SLC6A9: variants seen among roughly 807,000 people sequenced by gnomAD.
SLC6A9 encodes solute carrier family 6 member 9.
SLC6A9 carries 31 observed loss-of-function variants against 70.9 expected under a neutral mutation model. That is an observed-to-expected ratio of 0.44 (90% CI 0.33 to 0.59). The LOEUF (loss-of-function observed/expected upper bound fraction) is 0.59. Among genes scored for constraint, SLC6A9 ranks in the 20% least tolerant of loss-of-function variants. The pLI, the probability that SLC6A9 is intolerant of heterozygous loss-of-function variation, is 0.04. For synonymous variants in SLC6A9, 310 were observed against 341.3 expected (o/e 0.91, Z 1.01); for missense variants, 631 against 845.2 (o/e 0.75, Z 3.14).
intron 4 of SLC6A9, among the ~76,000 whole-genome samples, chr1:44,009,512 C>T (rs972848691): frequency 7.9e-5 from 12 of 151,644 alleles, no homozygotes; most frequent in South Asian, 2.1e-4. Flanking sequence ...GGTAAGCCAC[C>T]GCGCCCGGCC....
chr1:43,998,674 C>G (rs2085974161), intron 12 of SLC6A9, among the ~76,000 whole-genome samples: 1 of 152,176 alleles, frequency 6.6e-6, no homozygotes, highest in Admixed American at 6.5e-5. Flanking sequence ...GGGTGCAGTG[C>G]CCAGTACAGT....
At chr1:44,011,597 G>A (rs757582885) in intron 2 of SLC6A9, 1 of 1,614,094 alleles carries the variant, frequency 6.2e-7, no homozygotes, top group South Asian at 1.1e-5. Context: ...CCATGAGTTG[G>A]GGAAGGAGAC....
chr1:43,997,614 G>T lies in SLC6A9; in HGVS notation c.1833C>A (p.His611Gln), dbSNP rs779879426. 2 of 1,613,904 alleles carry T rather than the reference G, an allele frequency of 1.2e-6. No homozygotes were observed. Among genetic ancestry groups the T allele is most frequent in the Admixed American group, 1.7e-5 (1 of 60,002 alleles). The change falls in exon 14 of 14, where the codon CAC becomes CAA. Residue 611 changes from histidine to glutamine, a missense_variant. Transcript: ENST00000372310. The surrounding 1 kb of genome is among the most constrained non-coding windows in gnomAD (Gnocchi z 4.4). The part of the protein sequence containing the change: ...PEDGFEVQPL[H>Q]PDKAQIPIVG... ...CAATGGGGATCTGCGCCTTGTCCGG[G>T]TGCAGTGGCTGGACCTCGAAGCCGT...
chr1:44,008,705 CTTTTCTTTT>C, intron 4 of SLC6A9, 82 bp from the exon 5 acceptor site: 1 of 1,131,576 alleles, frequency 8.8e-7, no homozygotes, highest in Non-Finnish European at 1.2e-6. Flanking sequence ...TTTTTCTTTT[CTTTTCTTTT>C]TTTTTTTTTG....
Position 44,002,592 on chromosome 1 carries a change from G to A in SLC6A9, c.778C>T (p.Arg260Cys), listed in dbSNP as rs774639733. The A allele has an allele frequency of 1.2e-5, 19 of 1,613,958 alleles. No individual in the cohort carries two copies. Among genetic ancestry groups the A allele is most frequent in the African/African-American group, 4.0e-5 (3 of 74,898 alleles). Residue 260 changes from arginine (R) to cysteine (C), a missense_variant, in exon 7 of 14, where the codon CGC (arginine) becomes TGC (cysteine). By Grantham distance (180) the Arg-to-Cys change is radical. Coordinates refer to ENST00000372310, the MANE Select transcript of SLC6A9 (RefSeq NM_001024845.3). This position sits in a 1 kb window ranked among gnomAD's most constrained non-coding sequence, Gnocchi z 5.5. Reference protein sequence around the residue: ...PYVVLTILFVRGVTLEGAFDG... With the variant: ...PYVVLTILFVCGVTLEGAFDG... ...AAGGCTCCCTCCAGGGTCACTCCGC[G>A]GACAAACAGAATGGTCAGCACCACG...
chr1:44,023,842 T>C (rs1302124265), intron 2 of SLC6A9, among the ~76,000 whole-genome samples: 1 of 152,098 alleles, frequency 6.6e-6, no homozygotes, highest in African/African-American at 2.4e-5. Context: ...AAACAAAATG[T>C]TCTTTGTTAC....
At chr1:44,008,876 C>T (rs1357703774) in intron 4 of SLC6A9, among the ~76,000 whole-genome samples, 13 of 151,046 alleles carry the variant, frequency 8.6e-5, no homozygotes, top group Non-Finnish European at 1.6e-4. Flanking sequence ...CCCACCACCA[C>T]GCCTGGCTAA....
intron 2 of SLC6A9, among the ~76,000 whole-genome samples, chr1:44,020,241 T>C (rs560710924): frequency 1.3e-5 from 2 of 152,260 alleles, no homozygotes; most frequent in Admixed American, 1.3e-4. Context: ...AGAACCTGCA[T>C]CAGCAGAGTG....
Position 44,013,158 on chromosome 1 carries a change from A to G in SLC6A9, c.31-2276T>C, listed in dbSNP as rs1418261508. ...CTGTAAAAGGGACAACTGATGGTCC[A>G]GGATGGACCCATGGGCAGGGTAAGG... is the stretch of plus-strand genomic sequence containing the variant. On this transcript the variant is annotated intron_variant, in intron 2 of 13. Transcript: ENST00000372310. This position sits in a 1 kb window ranked among gnomAD's most constrained non-coding sequence, Gnocchi z 5.3. Among the ~76,000 whole-genome samples, 7 of 152,258 alleles carry G rather than the reference A, an allele frequency of 4.6e-5. No individual in the cohort carries two copies. Among genetic ancestry groups the G allele is most frequent in the African/African-American group, 1.7e-4 (7 of 41,466 alleles).
chr1:44,020,080 G>A (rs1371808091), intron 2 of SLC6A9, among the ~76,000 whole-genome samples: 2 of 152,198 alleles, frequency 1.3e-5, no homozygotes, highest in African/African-American at 2.4e-5. Flanking sequence ...TAGGATCAGC[G>A]GAAGGTCATT....
At chr1:44,025,482 G>T (rs2086965445) in intron 1 of SLC6A9, among the ~76,000 whole-genome samples, 1 of 145,378 alleles carries the variant, frequency 6.9e-6, no homozygotes, top group East Asian at 2.0e-4. Context: ...ACAGAGCAAG[G>T]TTCCGTCTCA....
intron 3 of SLC6A9, 68 bp downstream of exon 3, chr1:44,010,658 G>A (rs763778989): frequency 8.1e-6 from 12 of 1,480,840 alleles, no homozygotes; most frequent in Non-Finnish European, 1.1e-5. Context: ...CCAGGGAGAG[G>A]GTGGCCCAGG....
intron 1 of SLC6A9, among the ~76,000 whole-genome samples, chr1:44,027,229 G>A (rs925108619): frequency 6.6e-6 from 1 of 152,160 alleles, no homozygotes; most frequent in African/African-American, 2.4e-5. Flanking sequence ...AAGAGCTCAG[G>A]CTCTGGGATC....
chr1:44,021,515 A>G (rs2086883812), intron 2 of SLC6A9, among the ~76,000 whole-genome samples: 1 of 152,232 alleles, frequency 6.6e-6, no homozygotes, highest in African/African-American at 2.4e-5. Flanking sequence ...TTGGAGGGCC[A>G]GTGTCCTCAC....
intron 8 of SLC6A9, among the ~76,000 whole-genome samples, chr1:44,001,895 TTTTC>T (rs1314798169): frequency 6.6e-6 from 1 of 152,158 alleles, no homozygotes; most frequent in Non-Finnish European, 1.5e-5. Context: ...ACCCAGCTAA[TTTTC>T]TTTTTTATGT....
chr1:44,011,879 T>A (rs562096560), intron 2 of SLC6A9, among the ~76,000 whole-genome samples: 2 of 152,198 alleles, frequency 1.3e-5, no homozygotes, highest in South Asian at 4.2e-4. Flanking sequence ...GCTCTGCAAG[T>A]CCCTTGGTTA....
At position 44,021,165 on chromosome 1, in the gene SLC6A9, G is replaced by A. The variant is rs1282706948; in HGVS notation, c.30+3083C>T. ...GCCCCTTGTCCTTTGAGACCTAGGT[G>A]GCCCTGCTCCGCACGTGTATGAGGC... On this transcript the variant is annotated intron_variant, in intron 2 of 13. Coordinates refer to ENST00000372310, the MANE Select transcript of SLC6A9 (RefSeq NM_001024845.3). 2.6e-5 allele frequency among the ~76,000 whole-genome samples: 4 copies of A among 152,130 alleles called. No homozygotes were observed. The East Asian group carries it at 5.8e-4, about 22-fold the overall frequency.
At chr1:44,021,288 T>C (rs1226511831) in intron 2 of SLC6A9, among the ~76,000 whole-genome samples, 1 of 151,720 alleles carries the variant, frequency 6.6e-6, no homozygotes, top group Non-Finnish European at 1.5e-5. Context: ...AGCTGGGTTC[T>C]CGCACAGCCC....
chr1:44,023,137 G>A (rs1343313524), intron 2 of SLC6A9, among the ~76,000 whole-genome samples: 2 of 152,176 alleles, frequency 1.3e-5, no homozygotes, highest in Non-Finnish European at 2.9e-5. Flanking sequence ...CAACACAGGG[G>A]ATTGAAAGGA....
Sources: allele counts gnomAD v4.1 joint callset (sites outside exome capture counted in the v4.1 genomes callset), GRCh38; gene constraint gnomAD v4.1.1; non-coding constraint Gnocchi (gnomAD v3.1); transcripts MANE v1.5; gene names NCBI Gene and HGNC (gene_info 2026-07-23, HGNC 2026-07-21).